Variants in GRM7 observed in about 807,000 individuals in gnomAD.
GRM7 encodes the protein glutamate metabotropic receptor 7.
GRM7 carries 35 observed loss-of-function variants against 84.5 expected under a neutral mutation model. The observed-to-expected ratio is 0.41, with a 90% CI of 0.32 to 0.55. GRM7 has a LOEUF of 0.55. Among genes scored for constraint, GRM7 ranks in the 20% least tolerant of loss-of-function variants. The pLI, the probability that GRM7 is intolerant of heterozygous loss-of-function variation, is 0.19. For synonymous variants in GRM7, 487 were observed against 455.1 expected (o/e 1.07, Z -0.89); for missense variants, 1,003 against 1,194.6 (o/e 0.84, Z 2.36).
chr3:7,297,473 C>G (rs1699852451), intron 2 of GRM7, among the ~76,000 whole-genome samples: 1 of 152,058 alleles, frequency 6.6e-6, no homozygotes, highest in Non-Finnish European at 1.5e-5. Context: ...TGTGGGTTGT[C>G]AATTAGGTCA....
At chr3:7,671,924 TTGAATCTTGATTTTATCA>T (rs1301505308) in intron 8 of GRM7, among the ~76,000 whole-genome samples, 2 of 152,086 alleles carry the variant, frequency 1.3e-5, no homozygotes, top group Non-Finnish European at 2.9e-5. Flanking sequence ...CTTCTTGGCA[TTGAATCTTGATTTTATCA>T]TTTGCCTGAG....
At chr3:7,293,356 C>A (rs1409680042) in intron 2 of GRM7, among the ~76,000 whole-genome samples, 1 of 152,136 alleles carries the variant, frequency 6.6e-6, no homozygotes, top group East Asian at 1.9e-4. Flanking sequence ...AATCAAGAAG[C>A]AGATTGATTT....
intron 1 of GRM7, among the ~76,000 whole-genome samples, chr3:6,992,497 T>C (rs1241201974): frequency 6.6e-6 from 1 of 152,158 alleles, no homozygotes; most frequent in African/African-American, 2.4e-5. Context: ...CAGAATCCAA[T>C]TTAGATGATT....
intron 1 of GRM7, among the ~76,000 whole-genome samples, chr3:7,005,167 C>T (rs960022508): frequency 3.9e-5 from 6 of 152,164 alleles, no homozygotes; most frequent in African/African-American, 1.4e-4. Context: ...ATACTGGATG[C>T]TGGTCATCAT....
At chr3:7,591,836 AAAGTTAAGTGACTTTTCT>A (rs1245949591) in intron 8 of GRM7, among the ~76,000 whole-genome samples, 1 of 152,140 alleles carries the variant, frequency 6.6e-6, no homozygotes, top group African/African-American at 2.4e-5. Flanking sequence ...GAGCCTTACA[AAAGTTAAGTGACTTTTCT>A]AAGGTCCCAG....
intron 5 of GRM7, among the ~76,000 whole-genome samples, chr3:7,446,052 C>T (rs6807486): frequency 0.35 from 53,937 of 151,998 alleles, 10,996 homozygotes; most frequent in Non-Finnish European, 0.48. Flanking sequence ...GCATTTATCA[C>T]TTACAATAGA....
intron 4 of GRM7, among the ~76,000 whole-genome samples, chr3:7,337,511 G>A (rs369249912): frequency 6.6e-5 from 10 of 151,796 alleles, no homozygotes; most frequent in Non-Finnish European, 5.9e-5. Flanking sequence ...CGCAAACTAC[G>A]CATCCAACAA....
chr3:6,877,809 T>TCACACACA (rs3220585), intron 1 of GRM7, among the ~76,000 whole-genome samples: 30 of 145,644 alleles, frequency 2.1e-4, no homozygotes, highest in South Asian at 4.6e-4. Flanking sequence ...TACACAGATA[T>TCACACACA]CACACACACA....
intron 1 of GRM7, among the ~76,000 whole-genome samples, chr3:7,085,441 T>C: frequency 6.6e-6 from 1 of 152,202 alleles, no homozygotes; most frequent in East Asian, 1.9e-4. Flanking sequence ...AGAATGTAAG[T>C]AATGACATTA....
intron 8 of GRM7, among the ~76,000 whole-genome samples, chr3:7,630,054 T>C (rs1267656596): frequency 6.6e-6 from 1 of 152,222 alleles, no homozygotes; most frequent in Non-Finnish European, 1.5e-5. Context: ...GCAAGTTACA[T>C]TGTTAGTAAA....
rs138692726 is a variant in GRM7, at chr3:7,170,722, G to A, written c.736+24054G>A. Among the ~76,000 whole-genome samples, 23 of 152,268 alleles carry A rather than the reference G, an allele frequency of 1.5e-4. No individual in the cohort carries two copies. The South Asian group carries it at 1.7e-3, about 11-fold the overall frequency. On this transcript the variant is annotated intron_variant, in intron 2 of 9. Coordinates refer to ENST00000357716, the MANE Select transcript of GRM7 (RefSeq NM_000844.4). ...TTGCAGGAGATTTTACACAAATTTGGATGCTTCCATTCAGAAGAAAAGGGT... is the reference window on the plus strand; with the variant it reads ...TTGCAGGAGATTTTACACAAATTTGAATGCTTCCATTCAGAAGAAAAGGGT...
At chr3:7,312,936 C>CTTTT (rs372557190) in intron 4 of GRM7, among the ~76,000 whole-genome samples, 4 of 127,290 alleles carry the variant, frequency 3.1e-5, no homozygotes, top group Non-Finnish European at 6.7e-5. Context: ...TTCTTTTTTT[C>CTTTT]TTTTTTTTTT....
chr3:6,929,906 C>T (rs532348812), intron 1 of GRM7, among the ~76,000 whole-genome samples: 2 of 152,302 alleles, frequency 1.3e-5, no homozygotes, highest in South Asian at 2.1e-4. Flanking sequence ...GGGAACAACG[C>T]TTCTCCTCCG....
At chr3:6,882,959 A>G (rs1448816209) in intron 1 of GRM7, among the ~76,000 whole-genome samples, 1 of 152,172 alleles carries the variant, frequency 6.6e-6, no homozygotes, top group Admixed American at 6.5e-5. Context: ...TTGAAGGGCC[A>G]CTTTTCAATT....
At chr3:7,098,982 T>G (rs1412596808) in intron 1 of GRM7, among the ~76,000 whole-genome samples, 3 of 151,840 alleles carry the variant, frequency 2.0e-5, no homozygotes, top group African/African-American at 7.2e-5. Flanking sequence ...ATTTCAGTAC[T>G]TATGAAGTTT....
intron 7 of GRM7, among the ~76,000 whole-genome samples, chr3:7,567,132 G>C (rs1359675186): frequency 6.6e-6 from 1 of 152,108 alleles, no homozygotes; most frequent in East Asian, 1.9e-4. Context: ...CACTTCATTT[G>C]TTTACTCTAT....
At chr3:7,293,638 G>GCA (rs1699715291) in intron 2 of GRM7, among the ~76,000 whole-genome samples, 8 of 152,258 alleles carry the variant, frequency 5.3e-5, no homozygotes, top group Admixed American at 2.6e-4. Context: ...TTTTCCGTGT[G>GCA]TCAGAGGGAG....
chr3:7,608,889 C>G (rs60081827), intron 8 of GRM7, among the ~76,000 whole-genome samples: 25,042 of 152,044 alleles, frequency 0.16, 2,035 homozygotes, highest in Admixed American at 0.18. Flanking sequence ...GTTGATTTTT[C>G]TGTATGATGT....
intron 4 of GRM7, among the ~76,000 whole-genome samples, chr3:7,351,347 A>AAAAC (rs1693134234): frequency 6.6e-6 from 1 of 150,622 alleles, no homozygotes; most frequent in Non-Finnish European, 1.5e-5. Flanking sequence ...GCGAAAAAAA[A>AAAAC]AAAAAAAAAA....
Sources: gnomAD v4.1 joint callset for allele counts (sites outside exome capture counted in the v4.1 genomes callset) on GRCh38, gnomAD v4.1.1 for gene constraint, MANE v1.5 for transcripts, NCBI Gene and HGNC (gene_info 2026-07-23, HGNC 2026-07-21) for gene names.